Variants in PKP4 observed in about 807,000 individuals in gnomAD.
PKP4 encodes plakophilin-4.
Under a neutral mutation model 145.1 loss-of-function variants are expected in PKP4, and 90 were observed. The observed-to-expected ratio is 0.62, with a 90% CI of 0.52 to 0.74. The LOEUF (loss-of-function observed/expected upper bound fraction) is 0.74, where lower values mean the gene tolerates loss of function less well. Among genes scored for constraint, PKP4 ranks in the 30% least tolerant of loss-of-function variants. The pLI is 0.00. For missense variants in PKP4, 1,340 were observed against 1,482.7 expected, an observed-to-expected ratio of 0.90 and a Z score of 1.58; for synonymous variants, 563 against 577.2, an observed-to-expected ratio of 0.98 and a Z score of 0.35.
At chr2:158,671,669 G>A (rs375476290) in intron 17 of PKP4, among the ~76,000 whole-genome samples, 1 of 152,356 alleles carries the variant, frequency 6.6e-6, no homozygotes, top group East Asian at 1.9e-4. Flanking sequence ...TCTATGCTGG[G>A]CTTGCAGCAG....
At chr2:158,587,786 A>G (rs1574642090) in intron 3 of PKP4, among the ~76,000 whole-genome samples, 1 of 152,128 alleles carries the variant, frequency 6.6e-6, no homozygotes, top group East Asian at 1.9e-4. Flanking sequence ...CCCCTTTGCC[A>G]CATTTTCTCT....
chr2:158,674,924 A>C (rs1474366406), intron 19 of PKP4, among the ~76,000 whole-genome samples: 4 of 152,234 alleles, frequency 2.6e-5, no homozygotes, highest in Non-Finnish European at 1.5e-5. Flanking sequence ...GGTTCTTGCC[A>C]CATAATTGGA....
chr2:158,560,739 C>T (rs2046444069), intron 2 of PKP4, among the ~76,000 whole-genome samples: 1 of 152,162 alleles, frequency 6.6e-6, no homozygotes, highest in African/African-American at 2.4e-5. Context: ...CAGCATTTAG[C>T]ATTTTGTTCA....
At chr2:158,570,637 G>T (rs2047342715) in intron 2 of PKP4, among the ~76,000 whole-genome samples, 1 of 152,094 alleles carries the variant, frequency 6.6e-6, no homozygotes, top group African/African-American at 2.4e-5. Flanking sequence ...TTCCTGCTGA[G>T]ATACATAGTC....
chr2:158,460,494 C>A (rs1689598320), intron 1 of PKP4, among the ~76,000 whole-genome samples: 1 of 152,034 alleles, frequency 6.6e-6, no homozygotes, highest in Non-Finnish European at 1.5e-5. Context: ...ATGCTGTTAC[C>A]CAGGGATCAA....
chr2:158,564,117 G>T (rs971058046), intron 2 of PKP4, among the ~76,000 whole-genome samples: 2 of 151,742 alleles, frequency 1.3e-5, no homozygotes, highest in Non-Finnish European at 2.9e-5. Flanking sequence ...GTAAATAATT[G>T]TAAATATAAA....
At chr2:158,670,834 A>G (rs1170300147) in intron 17 of PKP4, among the ~76,000 whole-genome samples, 1 of 152,222 alleles carries the variant, frequency 6.6e-6, no homozygotes, top group Non-Finnish European at 1.5e-5. Context: ...AGGAAGGACT[A>G]GAGAATCAGT....
chr2:158,559,986 C>T (rs1369467412), intron 2 of PKP4, among the ~76,000 whole-genome samples: 1 of 152,022 alleles, frequency 6.6e-6, no homozygotes, highest in African/African-American at 2.4e-5. Flanking sequence ...CCTGCCTCAG[C>T]GTCCCGAGTA....
chr2:158,663,880 G>T (rs2056839606), intron 15 of PKP4, among the ~76,000 whole-genome samples: 1 of 152,176 alleles, frequency 6.6e-6, no homozygotes, highest in Non-Finnish European at 1.5e-5. Context: ...CTGAGGCTGT[G>T]GTATGGAAGG....
intron 12 of PKP4, 160 bp from the exon 13 acceptor site, chr2:158,661,173 T>A: frequency 1.8e-6 from 1 of 555,816 alleles, no homozygotes; most frequent in South Asian, 2.0e-5. Flanking sequence ...GGGCCATCAT[T>A]GTGAGCTTCA....
At chr2:158,514,813 C>T (rs1345614917) in intron 1 of PKP4, among the ~76,000 whole-genome samples, 3 of 152,054 alleles carry the variant, frequency 2.0e-5, no homozygotes, top group Admixed American at 1.3e-4. Flanking sequence ...TGGTGTCATA[C>T]GTCTGTAATC....
rs1351144105 is a variant in PKP4 at position 158,680,040 on chromosome 2, C to G, written c.3331-389C>G. On this transcript the variant is annotated intron_variant, in intron 21 of 21. Transcript: ENST00000389759. The stretch of plus-strand genomic sequence containing the variant: ...CTAAATTAGTGATGTGCTAATAATT[C>G]CCCTGTGTCAAACCAAATATCAAGA... Among the ~76,000 whole-genome samples the G allele has an allele frequency of 2.6e-5, 4 of 152,246 alleles. No homozygotes were observed. In the South Asian group the frequency reaches 6.2e-4, roughly 24 times the overall value.
At chr2:158,522,873 C>CA (rs1184004226) in intron 1 of PKP4, among the ~76,000 whole-genome samples, 2 of 152,176 alleles carry the variant, frequency 1.3e-5, no homozygotes, top group East Asian at 1.9e-4. Flanking sequence ...GGGTGACGGA[C>CA]GCACCTGGAA....
chr2:158,511,520 T>C lies in PKP4; in HGVS notation c.-5-21660T>C, dbSNP rs572017974. On this transcript the variant is annotated intron_variant, in intron 1 of 21. Coordinates refer to ENST00000389759, the MANE Select transcript of PKP4 (RefSeq NM_003628.6). ...ACTACAAAACAAATGTTCTATCCTT[T>C]GGAAGAAATTAGTAAATGGGAGAAT... 5.9e-5 allele frequency among the ~76,000 whole-genome samples: 9 copies of C among 152,354 alleles called. No homozygotes were observed. In the East Asian group the frequency reaches 1.5e-3, roughly 26 times the overall value.
chr2:158,474,260 A>G (rs552581807), intron 1 of PKP4, among the ~76,000 whole-genome samples: 19 of 152,236 alleles, frequency 1.2e-4, no homozygotes, highest in Non-Finnish European at 2.5e-4. Flanking sequence ...GCTGCCACAT[A>G]GGTGAAAACA....
At chr2:158,528,212 C>G (rs372147260) in intron 1 of PKP4, among the ~76,000 whole-genome samples, 28,733 of 149,180 alleles carry the variant, frequency 0.19, 3,567 homozygotes, top group Middle Eastern at 0.34. Context: ...GCATTATTCA[C>G]AATAGCAAAG....
At position 158,516,142 on chromosome 2, in the gene PKP4, C is replaced by T. The variant is rs139285371; in HGVS notation, c.-5-17038C>T. 4.7e-3 allele frequency among the ~76,000 whole-genome samples: 707 copies of T among 150,864 alleles called. 5 individuals carry two copies. The highest frequency in any genetic ancestry group is 0.016 in the African/African-American group (663 of 40,982). ...ACAGGTTCTTTTTTTCATGATTTCT[C>T]GGAGTCTTTATGATGCTCCACACCA... is the stretch of plus-strand genomic sequence containing the variant. On this transcript the variant is annotated intron_variant, in intron 1 of 21. Coordinates refer to ENST00000389759, the MANE Select transcript of PKP4 (RefSeq NM_003628.6).
At chr2:158,596,168 C>A (rs2049721399) in intron 3 of PKP4, among the ~76,000 whole-genome samples, 1 of 151,666 alleles carries the variant, frequency 6.6e-6, no homozygotes. Flanking sequence ...AAAATAAAGC[C>A]CACCAATGGC....
chr2:158,493,091 G>A (rs1326232740), intron 1 of PKP4, among the ~76,000 whole-genome samples: 3 of 151,804 alleles, frequency 2.0e-5, no homozygotes, highest in African/African-American at 7.3e-5. Context: ...TATACTTTCA[G>A]TTACTTTGTC....
Sources: gnomAD v4.1 joint callset for allele counts (sites outside exome capture counted in the v4.1 genomes callset) on GRCh38, gnomAD v4.1.1 for gene constraint, MANE v1.5 for transcripts, NCBI Gene and HGNC (gene_info 2026-07-23, HGNC 2026-07-21) for gene names.